Variants in RUNDC3B observed in about 807,000 individuals in gnomAD.
RUNDC3B encodes RUN domain containing 3B, also known as RUN domain-containing protein 3B.
RUNDC3B carries 33 observed loss-of-function variants against 58.4 expected under a neutral mutation model. The observed-to-expected ratio is 0.56, with a 90% CI of 0.43 to 0.75. RUNDC3B has a LOEUF of 0.75. RUNDC3B is among the 30% of genes least tolerant of loss of function. RUNDC3B has a pLI of 0.00. For missense variants in RUNDC3B, 501 were observed against 535.7 expected (o/e 0.94, Z 0.64); for synonymous variants, 193 against 195.2 (o/e 0.99, Z 0.10).
chr7:87,827,788 C>T (rs1224544186), intron 10 of RUNDC3B, among the ~76,000 whole-genome samples: 3 of 152,094 alleles, frequency 2.0e-5, no homozygotes, highest in Non-Finnish European at 2.9e-5. Flanking sequence ...CTCTATGGAA[C>T]TTTATAACCT....
At chr7:87,790,557 T>C (rs1487606318) in intron 8 of RUNDC3B, among the ~76,000 whole-genome samples, 1 of 152,112 alleles carries the variant, frequency 6.6e-6, no homozygotes, top group Admixed American at 6.5e-5. Flanking sequence ...GAATTCAAAA[T>C]AGCTGTTTTG....
At chr7:87,764,989 T>C (rs1833901259) in intron 6 of RUNDC3B, among the ~76,000 whole-genome samples, 1 of 151,988 alleles carries the variant, frequency 6.6e-6, no homozygotes, top group South Asian at 2.1e-4. Context: ...AATTACTTTT[T>C]ATTGGTCTGT....
At chr7:87,680,063 T>A (rs1826775218) in intron 2 of RUNDC3B, among the ~76,000 whole-genome samples, 1 of 150,400 alleles carries the variant, frequency 6.6e-6, no homozygotes, top group Non-Finnish European at 1.5e-5. Context: ...TATATGACGT[T>A]CCCCACCCTG....
At chr7:87,753,625 G>T (rs894860658) in intron 6 of RUNDC3B, among the ~76,000 whole-genome samples, 1 of 152,192 alleles carries the variant, frequency 6.6e-6, no homozygotes, top group Non-Finnish European at 1.5e-5. Context: ...TTACCGTTAT[G>T]TAATGGCCTT....
At chr7:87,729,362 C>A (rs1368888970) in intron 4 of RUNDC3B, among the ~76,000 whole-genome samples, 5 of 152,186 alleles carry the variant, frequency 3.3e-5, no homozygotes, top group Admixed American at 3.3e-4. Context: ...TCACCTACAC[C>A]AGCCCTCCTT....
chr7:87,763,379 A>C (rs946899754), intron 6 of RUNDC3B, among the ~76,000 whole-genome samples: 2 of 151,644 alleles, frequency 1.3e-5, no homozygotes, highest in Non-Finnish European at 3.0e-5. Context: ...CTTGCAAAAC[A>C]ACCTTCCTTA....
intron 7 of RUNDC3B, among the ~76,000 whole-genome samples, chr7:87,775,685 C>A (rs927779917): frequency 6.6e-6 from 1 of 152,068 alleles, no homozygotes; most frequent in African/African-American, 2.4e-5. Context: ...TAAAAAAAAT[C>A]TTTTATACCA....
chr7:87,716,104 A>G (rs1830541241), intron 4 of RUNDC3B, among the ~76,000 whole-genome samples: 1 of 152,170 alleles, frequency 6.6e-6, no homozygotes, highest in Admixed American at 6.6e-5. Flanking sequence ...AAAATAAAAA[A>G]TAAACCACGT....
intron 10 of RUNDC3B, among the ~76,000 whole-genome samples, chr7:87,823,552 T>G (rs776141267): frequency 5.3e-5 from 8 of 152,024 alleles, no homozygotes; most frequent in Non-Finnish European, 8.8e-5. Flanking sequence ...AACTGTAGTC[T>G]TTTATCCCAC....
chr7:87,815,658 G>T (rs936601005), intron 9 of RUNDC3B, among the ~76,000 whole-genome samples: 7 of 151,976 alleles, frequency 4.6e-5, no homozygotes, highest in African/African-American at 1.7e-4. Flanking sequence ...TTAATTACAG[G>T]AATTTGTAAT....
At chr7:87,711,480 A>AT (rs1276123254) in intron 4 of RUNDC3B, among the ~76,000 whole-genome samples, 1 of 151,978 alleles carries the variant, frequency 6.6e-6, no homozygotes, top group Non-Finnish European at 1.5e-5. Context: ...GACTTTGTTG[A>AT]TTTTTTATGA....
chr7:87,632,944 G>A (rs909123489), intron 1 of RUNDC3B, among the ~76,000 whole-genome samples: 4 of 152,184 alleles, frequency 2.6e-5, no homozygotes, highest in Non-Finnish European at 5.9e-5. Context: ...GTAGCTAGGA[G>A]GGACTAATAA....
intron 1 of RUNDC3B, among the ~76,000 whole-genome samples, chr7:87,646,683 T>A (rs1444149107): frequency 6.6e-6 from 1 of 152,168 alleles, no homozygotes; most frequent in Non-Finnish European, 1.5e-5. Context: ...TTTAGAAACA[T>A]TTCTCATTTC....
chr7:87,821,379 T>G (rs373340885), intron 10 of RUNDC3B, among the ~76,000 whole-genome samples: 2 of 151,950 alleles, frequency 1.3e-5, no homozygotes, highest in African/African-American at 2.4e-5. Flanking sequence ...CACTGCTCAA[T>G]GAAATAAAAG....
chr7:87,791,976 C>G (rs1229371143), intron 8 of RUNDC3B, among the ~76,000 whole-genome samples: 1 of 151,956 alleles, frequency 6.6e-6, no homozygotes, highest in Non-Finnish European at 1.5e-5. Context: ...AAGAAACACA[C>G]TTTACCTATA....
chr7:87,771,950 A>C (rs926784672), intron 7 of RUNDC3B, among the ~76,000 whole-genome samples: 8 of 152,214 alleles, frequency 5.3e-5, no homozygotes, highest in Non-Finnish European at 1.0e-4. Flanking sequence ...CCTCATTTGT[A>C]GTGTTTGCCA....
intron 3 of RUNDC3B, among the ~76,000 whole-genome samples, chr7:87,700,867 C>A (rs185679469): frequency 1.3e-5 from 2 of 152,168 alleles, no homozygotes; most frequent in Admixed American, 1.3e-4. Context: ...AATGCAGACA[C>A]AATGGTGGAT....
At chr7:87,643,823 G>A (rs989807990) in intron 1 of RUNDC3B, among the ~76,000 whole-genome samples, 1 of 149,862 alleles carries the variant, frequency 6.7e-6, no homozygotes, top group Non-Finnish European at 1.5e-5. Context: ...CACCACGCCC[G>A]GCCAAGAATT....
At chr7:87,801,052 C>G (rs902045328) in intron 8 of RUNDC3B, among the ~76,000 whole-genome samples, 1 of 152,166 alleles carries the variant, frequency 6.6e-6, no homozygotes, top group African/African-American at 2.4e-5. Flanking sequence ...AATTGCAACA[C>G]TTCACATGAG....
Sources: allele counts gnomAD v4.1 joint callset (sites outside exome capture counted in the v4.1 genomes callset), GRCh38; gene constraint gnomAD v4.1.1; transcripts MANE v1.5; gene names NCBI Gene and HGNC (gene_info 2026-07-23, HGNC 2026-07-21).